Variants in GRIA3 observed in about 807,000 individuals in gnomAD.
GRIA3 encodes glutamate receptor 3.
Under a neutral mutation model 63.0 loss-of-function variants are expected in GRIA3, and 3 were observed. The observed-to-expected ratio is 0.05, with a 90% CI of 0.02 to 0.12. The LOEUF is 0.12. Among genes scored for constraint, GRIA3 ranks in the 10% least tolerant of loss-of-function variants. GRIA3 has a pLI of 1.00. For missense variants in GRIA3, 347 were observed against 700.9 expected (o/e 0.50, Z 5.70); for synonymous variants, 274 against 257.9 (o/e 1.06, Z -0.60).
chrX:123,480,138 C>T lies in GRIA3; in HGVS notation c.2400C>T (p.Tyr800=). 8.3e-7 allele frequency: 1 copy of T among 1,201,310 alleles called. No individual in the cohort carries two copies. Among genetic ancestry groups the T allele is most frequent in the South Asian group, 1.8e-5 (1 of 56,687 alleles). ...ACAAGCTGAAAAACAAATGGTGGTA[C>T]GATAAGGGGGAATGTGGAGCCAAGG... is the stretch of plus-strand genomic sequence containing the variant. ...ILDKLKNKWW[Y]DKGECGAKDS... is the part of the protein sequence containing the mutation. Residue 800 remains tyrosine, a synonymous_variant, in exon 14 of 16, where the codon TAC becomes TAT. Coordinates refer to ENST00000620443, the MANE Select transcript of GRIA3 (RefSeq NM_007325.5).
intron 15 of GRIA3, among the ~76,000 whole-genome samples, chrX:123,484,584 G>A (rs1465430989): frequency 8.9e-6 from 1 of 111,754 alleles, no homozygotes; most frequent in Admixed American, 9.4e-5. Flanking sequence ...GGGTTCAAGC[G>A]ATTCTCCCGC....
intron 3 of GRIA3, among the ~76,000 whole-genome samples, chrX:123,259,730 T>C (rs2044440490): frequency 9.0e-6 from 1 of 111,721 alleles, no homozygotes; most frequent in East Asian, 2.8e-4. Context: ...TAAATGATAG[T>C]TCCTAGGGTC....
Position 123,395,066 on chromosome X carries a change from C to T in GRIA3, c.849C>T (p.Phe283=). Residue 283 remains phenylalanine, a synonymous_variant, in exon 6 of 16, where the codon TTC becomes TTT. Transcript: ENST00000620443. ...ATGAAAACCCTATGGTTCAGCAGTT[C>T]ATACAGCGCTGGGTGAGGCTGGATG... The part of the protein sequence containing the change: ...VNNENPMVQQ[F]IQRWVRLDER... The T allele has an allele frequency of 9.9e-6, 12 of 1,206,120 alleles. No individual in the cohort carries two copies. The highest frequency in any genetic ancestry group is 1.3e-5 in the Non-Finnish European group (12 of 890,327).
chrX:123,429,267 A>G (rs3904733), intron 12 of GRIA3, among the ~76,000 whole-genome samples: 3,748 of 112,269 alleles, frequency 0.033, 93 homozygotes, highest in East Asian at 0.18. Flanking sequence ...TTGTCCAATT[A>G]CTTCACAGTA....
Position 123,288,141 on chromosome X carries a change from A to C in GRIA3, c.508+34599A>C, listed in dbSNP as rs1404048033. Among the ~76,000 whole-genome samples the C allele has an allele frequency of 5.3e-5, 6 of 112,556 alleles. No individual in the cohort carries two copies. The East Asian group carries it at 1.7e-3, about 31-fold the overall frequency. On this transcript the variant is annotated intron_variant, in intron 3 of 15. Coordinates refer to ENST00000620443, the MANE Select transcript of GRIA3 (RefSeq NM_007325.5). ...TCTACAACCATCTGATCTTTGACAA[A>C]CCTGAGAAAAACAAGCAATGGGGAA...
intron 3 of GRIA3, among the ~76,000 whole-genome samples, chrX:123,269,659 C>T (rs1156992254): frequency 1.8e-5 from 2 of 111,582 alleles, no homozygotes; most frequent in African/African-American, 3.3e-5. Context: ...TAGAAGGCCT[C>T]GGGCCAAAGG....
intron 3 of GRIA3, among the ~76,000 whole-genome samples, chrX:123,290,363 T>C (rs1220393762): frequency 2.7e-5 from 3 of 111,867 alleles, no homozygotes; most frequent in African/African-American, 9.7e-5. Context: ...CTAGTCACTA[T>C]ATAACTTACA....
rs759208739 is a variant in GRIA3 at position 123,405,813 on chromosome X, A to G, written c.1500+899A>G. ...GCTTCCTTCCTTTCCATATTCATAT[A>G]GTACTTCTAAGTCTGTATTGTAATG... On this transcript the variant is annotated intron_variant, in intron 10 of 15. Coordinates refer to ENST00000620443, the MANE Select transcript of GRIA3 (RefSeq NM_007325.5). Among the ~76,000 whole-genome samples the G allele has an allele frequency of 7.1e-5, 8 of 112,044 alleles. No individual in the cohort carries two copies. In the East Asian group the frequency reaches 2.0e-3, roughly 27 times the overall value.
chrX:123,395,809 C>T (rs1466499629), intron 6 of GRIA3, among the ~76,000 whole-genome samples: 1 of 111,400 alleles, frequency 9.0e-6, no homozygotes, highest in Non-Finnish European at 1.9e-5. Flanking sequence ...ATTCATGCTA[C>T]ACAAAGGACC....
At chrX:123,390,804 G>A (rs1346124350) in intron 5 of GRIA3, among the ~76,000 whole-genome samples, 1 of 111,492 alleles carries the variant, frequency 9.0e-6, no homozygotes, top group Admixed American at 9.5e-5. Flanking sequence ...TGTCCTATAT[G>A]TCATAGACTT....
chrX:123,243,491 C>A (rs1009325585), intron 2 of GRIA3, among the ~76,000 whole-genome samples: 21 of 111,740 alleles, frequency 1.9e-4, no homozygotes, highest in African/African-American at 6.8e-4. Context: ...GGCCTTGTCA[C>A]ATGCTAGTCT....
Position 123,464,830 on chromosome X carries a change from T to C in GRIA3, c.2077-35T>C, listed in dbSNP as rs947530865. 5.0e-6 allele frequency: 6 copies of C among 1,188,462 alleles called. No individual in the cohort carries two copies. The Admixed American group carries it at 8.8e-5, about 17-fold the overall frequency. ...CTAACCCTCCTCCAGACTGAATATC[T>C]GGCAGCTCTAAGAATTCTTATCTCT... On this transcript the variant is annotated intron_variant, in intron 12 of 15. Coordinates refer to ENST00000620443, the MANE Select transcript of GRIA3 (RefSeq NM_007325.5).
intron 2 of GRIA3, among the ~76,000 whole-genome samples, chrX:123,221,267 G>A (rs959747391): frequency 8.9e-6 from 1 of 112,124 alleles, no homozygotes; most frequent in African/African-American, 3.2e-5. Context: ...TGGAAAACAT[G>A]TAGGGTAAGG....
At chrX:123,317,312 C>T (rs2044838358) in intron 3 of GRIA3, among the ~76,000 whole-genome samples, 1 of 111,055 alleles carries the variant, frequency 9.0e-6, no homozygotes, top group Non-Finnish European at 1.9e-5. Flanking sequence ...AATCTCATGT[C>T]CTCACATTTC....
intron 11 of GRIA3, among the ~76,000 whole-genome samples, chrX:123,419,358 G>A (rs982909284): frequency 2.7e-4 from 29 of 108,065 alleles, no homozygotes; most frequent in African/African-American, 8.8e-4. Flanking sequence ...GCAGTGAGCC[G>A]AGGTTGCGCC....
intron 12 of GRIA3, among the ~76,000 whole-genome samples, chrX:123,439,411 C>T (rs937848595): frequency 1.6e-4 from 18 of 111,481 alleles, no homozygotes; most frequent in Admixed American, 6.7e-4. Flanking sequence ...TGTCCCTGAA[C>T]GTGGTTAACT....
intron 14 of GRIA3, among the ~76,000 whole-genome samples, chrX:123,480,967 A>T (rs1335574011): frequency 9.0e-6 from 1 of 110,989 alleles, no homozygotes; most frequent in Non-Finnish European, 1.9e-5. Flanking sequence ...TTTTGGACTA[A>T]TATCGTGGTA....
chrX:123,323,855 T>C (rs2044883839), intron 3 of GRIA3, among the ~76,000 whole-genome samples: 1 of 112,281 alleles, frequency 8.9e-6, no homozygotes, highest in African/African-American at 3.2e-5. Flanking sequence ...CCAAGCTTGA[T>C]ACTAATTAAC....
Position 123,188,134 on chromosome X carries a change from G to A in GRIA3, c.268+2144G>A, listed in dbSNP as rs142998532. Reference sequence around the variant, plus strand: ...CACATGTATGCATGCACAGACATACGCAGGAAAAATAGCTAGAAACCAGTG... The same window carrying A: ...CACATGTATGCATGCACAGACATACACAGGAAAAATAGCTAGAAACCAGTG... On this transcript the variant is annotated intron_variant, in intron 2 of 15. Transcript: ENST00000620443. 4.2e-3 allele frequency among the ~76,000 whole-genome samples: 473 copies of A among 111,795 alleles called. 3 individuals are homozygous for A. The highest frequency in any genetic ancestry group is 0.014 in the African/African-American group (443 of 30,688).
Sources: gnomAD v4.1 joint callset for allele counts (sites outside exome capture counted in the v4.1 genomes callset) on GRCh38, gnomAD v4.1.1 for gene constraint, MANE v1.5 for transcripts, NCBI Gene and HGNC (gene_info 2026-07-23, HGNC 2026-07-21) for gene names.